The following TRIP12 variants were observed in gnomAD, a reference collection of about 807,000 sequenced individuals.
TRIP12 encodes the protein thyroid hormone receptor interactor 12, also known as E3 ubiquitin-protein ligase TRIP12.
TRIP12 carries 25 observed loss-of-function variants against 244.2 expected under a neutral mutation model. That is an observed-to-expected ratio of 0.10 (90% CI 0.07 to 0.14). The LOEUF is 0.14. Among genes scored for constraint, TRIP12 ranks in the 10% least tolerant of loss-of-function variants. The probability of loss-of-function intolerance (pLI) is 1.00; values close to 1 mark genes in which losing one functional copy is unlikely to be tolerated. For missense variants in TRIP12, 1,677 were observed against 2,486.4 expected (o/e 0.67, Z 6.92); for synonymous variants, 905 against 873.1 (o/e 1.04, Z -0.64).
intron 16 of TRIP12, 94 bp from the exon 17 acceptor site, chr2:229,807,958 T>C (rs1382413155): frequency 1.5e-6 from 2 of 1,374,632 alleles, no homozygotes; most frequent in African/African-American, 1.5e-5. Flanking sequence ...AAACCAAAAG[T>C]TGTATTTAGA....
intron 32 of TRIP12, 58 bp from the exon 33 acceptor site, chr2:229,787,719 A>C: frequency 7.0e-7 from 1 of 1,426,650 alleles, no homozygotes; most frequent in Non-Finnish European, 9.3e-7. Flanking sequence ...ACTACTAAAA[A>C]AAAAATCCAA....
chr2:229,798,947 A>T lies in TRIP12; in HGVS notation c.3410T>A (p.Ile1137Asn), dbSNP rs1231934651. 1 of 1,614,182 alleles carries T rather than the reference A, an allele frequency of 6.2e-7. No individual in the cohort carries two copies. The highest frequency in any genetic ancestry group is 1.1e-5 in the South Asian group (1 of 91,088). Reference sequence around the variant, plus strand: ...ACCTCCCGCAGTCCGTGCTGGCTCAATGTTGTTGCTGTTGGACTGTGTACT... The same window carrying T: ...ACCTCCCGCAGTCCGTGCTGGCTCATTGTTGTTGCTGTTGGACTGTGTACT... ...RLSTQSNSNNIEPARTAGGSG... is the reference protein window; with the variant it reads ...RLSTQSNSNNNEPARTAGGSG... The change falls in exon 23 of 42, where the codon ATT becomes AAT. Residue 1137 changes from isoleucine to asparagine, a missense_variant. By Grantham distance (149) the Ile-to-Asn change is moderately radical. Coordinates refer to ENST00000675903, the MANE Select transcript of TRIP12 (RefSeq NM_001348323.3).
chr2:229,800,873 G>A (rs1039158013), intron 21 of TRIP12, among the ~76,000 whole-genome samples: 3 of 151,898 alleles, frequency 2.0e-5, no homozygotes, highest in Admixed American at 6.6e-5. Context: ...AGGTTAGCCT[G>A]AGAAACAGAG....
chr2:229,826,428 C>G (rs573882517), intron 8 of TRIP12, among the ~76,000 whole-genome samples: 8 of 152,246 alleles, frequency 5.3e-5, no homozygotes, highest in African/African-American at 1.9e-4. Flanking sequence ...GAAACTTTGA[C>G]ATCTATTGGG....
intron 1 of TRIP12, among the ~76,000 whole-genome samples, chr2:229,896,049 A>C (rs771377839): frequency 6.6e-6 from 1 of 152,122 alleles, no homozygotes; most frequent in Non-Finnish European, 1.5e-5. Flanking sequence ...ATCTCCAATG[A>C]ATGAAGTTTT....
chr2:229,920,166 C>G (rs1271148650), intron 1 of TRIP12, among the ~76,000 whole-genome samples: 3 of 152,116 alleles, frequency 2.0e-5, no homozygotes. Context: ...CGTTTTACCC[C>G]ACTCAATAGC....
At chr2:229,844,843 T>C (rs1031934669) in intron 4 of TRIP12, among the ~76,000 whole-genome samples, 4 of 152,238 alleles carry the variant, frequency 2.6e-5, no homozygotes, top group Admixed American at 2.6e-4. Flanking sequence ...CTATTTTTAA[T>C]GTACAGAAAC....
chr2:229,808,245 T>A lies in TRIP12; in HGVS notation c.2339+7A>T. 6.2e-7 allele frequency: 1 copy of A among 1,604,596 alleles called. No individual in the cohort carries two copies. ...CCTCCCAAAGTGATATTTAGCCCAA[T>A]CTTTACCAAATCAGAGATGTCAGTT... On this transcript the variant is annotated splice_region_variant and intron_variant, in intron 16 of 41. Transcript: ENST00000675903.
chr2:229,791,308 C>G, intron 29 of TRIP12, 57 bp from the exon 30 acceptor site: 1 of 1,594,976 alleles, frequency 6.3e-7, no homozygotes, highest in Non-Finnish European at 8.6e-7. Flanking sequence ...GATACAAAGC[C>G]AAAATCTAAG....
intron 2 of TRIP12, among the ~76,000 whole-genome samples, chr2:229,867,093 G>T (rs2061627228): frequency 7.9e-6 from 1 of 126,568 alleles, no homozygotes; most frequent in Non-Finnish European, 1.7e-5. Flanking sequence ...CACACACATA[G>T]AGGGTTTTTT....
intron 26 of TRIP12, 116 bp downstream of exon 26, chr2:229,795,063 A>T: frequency 8.3e-7 from 1 of 1,208,464 alleles, no homozygotes; most frequent in African/African-American, 1.5e-5. Flanking sequence ...TTTCATCATT[A>T]CAGCTGAATG....
Position 229,797,699 on chromosome 2 carries a change from G to A in TRIP12, c.3615C>T (p.Leu1205=), listed in dbSNP as rs1385526227. Residue 1205 remains leucine (L), a synonymous_variant, in exon 24 of 42, where the codon CTC becomes CTT. Coordinates refer to ENST00000675903, the MANE Select transcript of TRIP12 (RefSeq NM_001348323.3). ...GCACTGGACACAGCACCTGGAGGTT[G>A]AGTTGTTCGGTTGCAGCACAAAGTC... The part of the protein sequence containing the change: ...LQRLCAATEQ[L]NLQVDGGAEC... 6.2e-7 allele frequency: 1 copy of A among 1,613,618 alleles called. No individual in the cohort carries two copies.
At chr2:229,835,277 A>C (rs565786889) in intron 6 of TRIP12, among the ~76,000 whole-genome samples, 1 of 152,192 alleles carries the variant, frequency 6.6e-6, no homozygotes, top group Non-Finnish European at 1.5e-5. Flanking sequence ...CCTGTACCAC[A>C]CTGTAATTTG....
chr2:229,796,790 A>G lies in TRIP12; in HGVS notation c.3625-8T>C. On this transcript the variant is annotated splice_polypyrimidine_tract_variant and splice_region_variant and intron_variant, in intron 24 of 41. Coordinates refer to ENST00000675903, the MANE Select transcript of TRIP12 (RefSeq NM_001348323.3). ...CTCAGCTCCACCATCCACCTGAAAG[A>G]GTTAGGAAAAGTATTTCTATATTGA... The G allele has an allele frequency of 6.5e-7, 1 of 1,546,412 alleles. No individual in the cohort carries two copies. Among genetic ancestry groups the G allele is most frequent in the South Asian group, 1.3e-5 (1 of 79,356 alleles).
chr2:229,849,320 C>T (rs149258796), intron 4 of TRIP12, among the ~76,000 whole-genome samples: 3 of 152,264 alleles, frequency 2.0e-5, no homozygotes, highest in East Asian at 3.9e-4. Context: ...ATAAACCCTG[C>T]GTGCTGATCA....
In TRIP12 at chr2:229,798,860, C is replaced by T. The variant is rs6720868; in HGVS notation, c.3482+15G>A. 0.32 allele frequency: 519,603 copies of T among 1,608,186 alleles called. 86,287 individuals are homozygous for T. The highest frequency in any genetic ancestry group is 0.47 in the African/African-American group (34,739 of 74,616). ...ATATGGGAATAGAAGAAACATAAAACTCCCCCCACTTCACCTATTATTGGA... is the reference window on the plus strand; with the variant it reads ...ATATGGGAATAGAAGAAACATAAAATTCCCCCCACTTCACCTATTATTGGA... On this transcript the variant is annotated intron_variant, in intron 23 of 41. Coordinates refer to ENST00000675903, the MANE Select transcript of TRIP12 (RefSeq NM_001348323.3).
At chr2:229,841,602 A>G (rs186255485) in intron 4 of TRIP12, among the ~76,000 whole-genome samples, 1 of 152,274 alleles carries the variant, frequency 6.6e-6, no homozygotes, top group African/African-American at 2.4e-5. Flanking sequence ...GACAGCATCC[A>G]CCCTTGCCCA....
intron 1 of TRIP12, among the ~76,000 whole-genome samples, chr2:229,907,252 A>G (rs1359977652): frequency 6.6e-6 from 1 of 152,242 alleles, no homozygotes; most frequent in Non-Finnish European, 1.5e-5. Flanking sequence ...GCACTGTGCT[A>G]GGTAAGAACT....
At chr2:229,796,855 C>G (rs2042939202) in intron 24 of TRIP12, 73 bp from the exon 25 acceptor site, 2 of 1,347,188 alleles carry the variant, frequency 1.5e-6, no homozygotes, top group Non-Finnish European at 2.0e-6. Context: ...CACATATCCT[C>G]AAAAGGAAAT....
Sources: allele counts gnomAD v4.1 joint callset (sites outside exome capture counted in the v4.1 genomes callset), GRCh38; gene constraint gnomAD v4.1.1; transcripts MANE v1.5; gene names NCBI Gene and HGNC (gene_info 2026-07-23, HGNC 2026-07-21).